The following CNTN5 variants were observed in gnomAD, a reference collection of about 807,000 sequenced individuals.
The protein encoded by CNTN5 is contactin-5.
In CNTN5, 77 loss-of-function variants were observed where a neutral mutation model predicts 129.1. That is an observed-to-expected ratio of 0.60 (90% CI 0.50 to 0.72). The LOEUF (loss-of-function observed/expected upper bound fraction) is 0.72. CNTN5 is among the 30% of genes least tolerant of loss of function. The probability of loss-of-function intolerance (pLI) is 0.00; values close to 1 mark genes in which losing one functional copy is unlikely to be tolerated. For synonymous variants in CNTN5, 509 were observed against 465.6 expected, an observed-to-expected ratio of 1.09 and a Z score of -1.20; for missense variants, 1,478 against 1,328.8, an observed-to-expected ratio of 1.11 and a Z score of -1.75.
At position 99,933,414 on chromosome 11, in the gene CNTN5, A is replaced by G. The variant is rs533325878; in HGVS notation, c.673+17265A>G. 3.9e-5 allele frequency among the ~76,000 whole-genome samples: 6 copies of G among 152,304 alleles called. No individual in the cohort carries two copies. The South Asian group carries it at 1.2e-3, about 32-fold the overall frequency. On this transcript the variant is annotated intron_variant, in intron 7 of 24. Coordinates refer to ENST00000524871, the MANE Select transcript of CNTN5 (RefSeq NM_014361.4). The stretch of plus-strand genomic sequence containing the variant: ...TGTATAATTCAGTGAATTAAGATAA[A>G]AGAAGTCATGTAACCACTACCATAA...
chr11:99,404,083 A>G (rs1941959178), intron 2 of CNTN5, among the ~76,000 whole-genome samples: 1 of 152,104 alleles, frequency 6.6e-6, no homozygotes, highest in African/African-American at 2.4e-5. Flanking sequence ...CTCTTGCTGA[A>G]TTGATCCCTT....
intron 2 of CNTN5, among the ~76,000 whole-genome samples, chr11:99,426,382 A>G (rs559040590): frequency 2.6e-5 from 4 of 152,260 alleles, no homozygotes; most frequent in Admixed American, 6.5e-5. Context: ...TGACTCTTTT[A>G]GAAAGGAGAC....
At chr11:99,124,460 A>G (rs113366247) in intron 1 of CNTN5, among the ~76,000 whole-genome samples, 5,008 of 152,056 alleles carry the variant, frequency 0.033, 118 homozygotes, top group South Asian at 0.066. Context: ...GTGTAGAATC[A>G]TAACATCTAC....
chr11:99,927,397 A>G (rs115020758), intron 7 of CNTN5, among the ~76,000 whole-genome samples: 158 of 152,224 alleles, frequency 1.0e-3, no homozygotes, highest in African/African-American at 3.6e-3. Context: ...CATTCAGTAT[A>G]TTGTATTGTA....
chr11:99,675,843 C>A (rs1285517434), intron 3 of CNTN5, among the ~76,000 whole-genome samples: 1 of 152,056 alleles, frequency 6.6e-6, no homozygotes, highest in Non-Finnish European at 1.5e-5. Flanking sequence ...AGTTGTGTTA[C>A]CTTAGTATAT....
At chr11:100,045,332 G>A (rs1322468339) in intron 9 of CNTN5, among the ~76,000 whole-genome samples, 1 of 152,014 alleles carries the variant, frequency 6.6e-6, no homozygotes, top group African/African-American at 2.4e-5. Flanking sequence ...ATGGTTTAAG[G>A]TTGTGTGTTT....
At chr11:100,046,985 G>A (rs957714368) in intron 9 of CNTN5, among the ~76,000 whole-genome samples, 1 of 152,162 alleles carries the variant, frequency 6.6e-6, no homozygotes, top group Non-Finnish European at 1.5e-5. Context: ...AGGACAGAGA[G>A]GGAGATCAGT....
At chr11:99,880,165 T>G (rs749866877) in intron 6 of CNTN5, among the ~76,000 whole-genome samples, 2 of 152,196 alleles carry the variant, frequency 1.3e-5, no homozygotes, top group Non-Finnish European at 2.9e-5. Flanking sequence ...ATATGATCAA[T>G]GAGGCAATTG....
intron 2 of CNTN5, among the ~76,000 whole-genome samples, chr11:99,452,591 C>G (rs1396586334): frequency 6.6e-6 from 1 of 151,934 alleles, no homozygotes; most frequent in Non-Finnish European, 1.5e-5. Context: ...CCAGGATGGT[C>G]TTGATCTCCT....
chr11:99,219,853 A>G (rs1860313582), intron 1 of CNTN5, among the ~76,000 whole-genome samples: 1 of 151,898 alleles, frequency 6.6e-6, no homozygotes, highest in African/African-American at 2.4e-5. Context: ...TTATAAAATC[A>G]AAAAGTCTTA....
chr11:99,906,783 T>C (rs544118175), intron 6 of CNTN5, among the ~76,000 whole-genome samples: 1 of 152,260 alleles, frequency 6.6e-6, no homozygotes, highest in African/African-American at 2.4e-5. Context: ...CTGGGCTTTT[T>C]TTTGGTTGGT....
intron 2 of CNTN5, among the ~76,000 whole-genome samples, chr11:99,405,094 A>G (rs191128642): frequency 6.6e-6 from 1 of 152,190 alleles, no homozygotes; most frequent in East Asian, 1.9e-4. Flanking sequence ...TACCAGATGT[A>G]TTGGAGCTCC....
chr11:99,291,816 G>T (rs545257210), intron 1 of CNTN5, among the ~76,000 whole-genome samples: 44 of 152,042 alleles, frequency 2.9e-4, no homozygotes, highest in African/African-American at 1.1e-3. Context: ...GTCTAACAAC[G>T]CCTTTTATTG....
chr11:99,975,973 G>A (rs913450743), intron 8 of CNTN5, among the ~76,000 whole-genome samples: 5 of 152,090 alleles, frequency 3.3e-5, no homozygotes, highest in African/African-American at 9.7e-5. Context: ...CTAGGAGCCC[G>A]TGAAATAAAA....
intron 1 of CNTN5, among the ~76,000 whole-genome samples, chr11:99,216,961 A>G (rs1399451621): frequency 6.6e-6 from 1 of 152,104 alleles, no homozygotes; most frequent in African/African-American, 2.4e-5. Context: ...GAGGCAGGCA[A>G]ATCGTGAGGT....
At chr11:99,750,836 C>T (rs1364851057) in intron 3 of CNTN5, among the ~76,000 whole-genome samples, 1 of 152,216 alleles carries the variant, frequency 6.6e-6, no homozygotes. Flanking sequence ...TTTTCCATCT[C>T]ATTAGAATCT....
chr11:99,447,342 G>A (rs892056340), intron 2 of CNTN5, among the ~76,000 whole-genome samples: 23 of 151,984 alleles, frequency 1.5e-4, no homozygotes, highest in African/African-American at 5.6e-4. Context: ...TATTTATTAA[G>A]CACTTCTTGC....
intron 1 of CNTN5, among the ~76,000 whole-genome samples, chr11:99,037,071 G>T (rs1440171988): frequency 6.6e-6 from 1 of 152,182 alleles, no homozygotes. Context: ...GTAAGCAAAA[G>T]ATCCAGTGGA....
intron 1 of CNTN5, among the ~76,000 whole-genome samples, chr11:99,077,821 A>T (rs1164700129): frequency 6.6e-6 from 1 of 152,148 alleles, no homozygotes; most frequent in Non-Finnish European, 1.5e-5. Context: ...CCTTGTGAAG[A>T]AGGTGCCTTG....
Sources: gnomAD v4.1 joint callset for allele counts (sites outside exome capture counted in the v4.1 genomes callset) on GRCh38, gnomAD v4.1.1 for gene constraint, MANE v1.5 for transcripts, NCBI Gene and HGNC (gene_info 2026-07-23, HGNC 2026-07-21) for gene names.